Variants in MCC observed in about 807,000 individuals in gnomAD.
MCC encodes the protein MCC regulator of Wnt signaling pathway.
Under a neutral mutation model 116.2 loss-of-function variants are expected in MCC, and 90 were observed. That is an observed-to-expected ratio of 0.77 (90% confidence interval 0.65 to 0.92). The LOEUF (loss-of-function observed/expected upper bound fraction) is 0.92. Ranked by LOEUF, MCC falls within the 40% of genes least tolerant of loss-of-function variation. The pLI is 0.00. For synonymous variants in MCC, 578 were observed against 510.5 expected (o/e 1.13, Z -1.78); for missense variants, 1,516 against 1,312.2 (o/e 1.16, Z -2.40).
intron 1 of MCC, among the ~76,000 whole-genome samples, chr5:113,460,621 C>T (rs764217952): frequency 2.6e-5 from 4 of 152,190 alleles, no homozygotes; most frequent in Admixed American, 1.3e-4. Context: ...ACGCTGTGTG[C>T]CTTGTGCTCA....
chr5:113,480,627 G>A (rs1470354601), intron 1 of MCC, among the ~76,000 whole-genome samples: 2 of 152,200 alleles, frequency 1.3e-5, no homozygotes, highest in African/African-American at 2.4e-5. Flanking sequence ...AATACTTGCA[G>A]AAAGGGTGTA....
At chr5:113,422,922 C>G (rs1020682888) in intron 1 of MCC, among the ~76,000 whole-genome samples, 1 of 152,182 alleles carries the variant, frequency 6.6e-6, no homozygotes, top group Non-Finnish European at 1.5e-5. Context: ...AAGCACAAAA[C>G]TACAGGAGAT....
intron 1 of MCC, among the ~76,000 whole-genome samples, chr5:113,422,269 T>C (rs1405250452): frequency 1.5e-5 from 2 of 132,958 alleles, no homozygotes; most frequent in Admixed American, 7.8e-5. Flanking sequence ...CACACCATGA[T>C]ACAGTATTCC....
chr5:113,254,574 C>T (rs951152873), intron 3 of MCC, among the ~76,000 whole-genome samples: 3 of 152,150 alleles, frequency 2.0e-5, no homozygotes, highest in African/African-American at 4.8e-5. Flanking sequence ...ACAGCCCATA[C>T]GTAAAGCAAA....
chr5:113,074,750 T>G (rs187406034), intron 11 of MCC, among the ~76,000 whole-genome samples: 413 of 152,350 alleles, frequency 2.7e-3, no homozygotes, highest in Middle Eastern at 6.8e-3. Context: ...TGCAAAAGCT[T>G]CAGTAGCTGA....
chr5:113,042,065 CAA>C, intron 17 of MCC, among the ~76,000 whole-genome samples: 1 of 151,970 alleles, frequency 6.6e-6, no homozygotes, highest in Admixed American at 6.6e-5. Flanking sequence ...AACACACAAA[CAA>C]GAACCGCTGA....
At chr5:113,310,952 G>A (rs767448237) in intron 3 of MCC, among the ~76,000 whole-genome samples, 1 of 152,148 alleles carries the variant, frequency 6.6e-6, no homozygotes, top group Non-Finnish European at 1.5e-5. Context: ...GGGTACTAGA[G>A]ATATAATAGC....
chr5:113,272,753 A>T (rs1312483174), intron 3 of MCC, among the ~76,000 whole-genome samples: 2 of 152,236 alleles, frequency 1.3e-5, no homozygotes, highest in Non-Finnish European at 2.9e-5. Context: ...TATTCTTTTA[A>T]AAATGAATAT....
At chr5:113,116,322 C>T (rs778470698) in intron 6 of MCC, among the ~76,000 whole-genome samples, 1 of 152,240 alleles carries the variant, frequency 6.6e-6, no homozygotes, top group South Asian at 2.1e-4. Flanking sequence ...GCTGGGGATG[C>T]GGTAACAACA....
At chr5:113,427,048 C>T (rs759767867) in intron 1 of MCC, among the ~76,000 whole-genome samples, 1 of 152,218 alleles carries the variant, frequency 6.6e-6, no homozygotes, top group Admixed American at 6.5e-5. Flanking sequence ...TATATTTTTT[C>T]TATCCCTATG....
At chr5:113,140,009 A>G (rs886850918) in intron 5 of MCC, among the ~76,000 whole-genome samples, 7 of 152,200 alleles carry the variant, frequency 4.6e-5, no homozygotes, top group Non-Finnish European at 1.0e-4. Context: ...GGGAGAAAAT[A>G]TTTGCAAACT....
chr5:113,356,480 TA>T (rs1482357150), intron 2 of MCC, among the ~76,000 whole-genome samples: 1 of 151,764 alleles, frequency 6.6e-6, no homozygotes, highest in East Asian at 1.9e-4. Context: ...CCACAAATTC[TA>T]AATGTTTCTT....
intron 1 of MCC, chr5:113,436,025 A>C (rs1770847608): frequency 6.6e-6 from 1 of 152,440 alleles, no homozygotes. Flanking sequence ...TGACTGTCCT[A>C]GCCTTGGATT....
intron 6 of MCC, among the ~76,000 whole-genome samples, chr5:113,111,785 G>A (rs907689253): frequency 1.3e-5 from 2 of 152,168 alleles, no homozygotes; most frequent in Non-Finnish European, 2.9e-5. Flanking sequence ...TTGGAAATCT[G>A]GAAAGGAGGT....
rs1412834519 is a variant in MCC, at chr5:113,488,402, C to A, written c.13G>T (p.Ala5Ser). 1.4e-6 allele frequency: 2 copies of A among 1,397,060 alleles called. No homozygotes were observed. The highest frequency in any genetic ancestry group is 3.1e-5 in the East Asian group (1 of 32,776). 86.5% of individuals were successfully genotyped at this position (1,397,060 alleles called of 1,614,324 possible). A position where few individuals can be genotyped will look rare whatever the true frequency, so the allele number is the denominator to read the frequency against. Residue 5 changes from alanine to serine, a missense_variant, in exon 1 of 19, where the codon GCG becomes TCG. By Grantham distance (99) the Ala-to-Ser change is moderately conservative. Coordinates refer to ENST00000408903, the MANE Select transcript of MCC (RefSeq NM_001085377.2). ...GAGCTCCCCGCAGCCGCTGCCGCCG[C>A]GGCCGCCATCATGCGCCCGCTCCCT... is the stretch of plus-strand genomic sequence containing the variant. Reference protein sequence around the residue: MMAAAAAAAAGSSSS... With the variant: MMAASAAAAAGSSSS...
intron 7 of MCC, among the ~76,000 whole-genome samples, chr5:113,103,559 C>G (rs772604197): frequency 6.6e-6 from 1 of 152,232 alleles, no homozygotes; most frequent in African/African-American, 2.4e-5. Context: ...CCTTGTGACA[C>G]CACAGTTCTT....
intron 1 of MCC, among the ~76,000 whole-genome samples, chr5:113,411,487 T>G (rs1369738247): frequency 6.6e-6 from 1 of 152,166 alleles, no homozygotes; most frequent in Non-Finnish European, 1.5e-5. Context: ...GTGTAAGTTC[T>G]TTGTAGATTC....
chr5:113,363,032 C>A (rs1353653269), intron 2 of MCC, among the ~76,000 whole-genome samples: 1 of 152,084 alleles, frequency 6.6e-6, no homozygotes, highest in African/African-American at 2.4e-5. Context: ...GTAATCCCAG[C>A]ACTTTGGGAG....
In MCC at chr5:113,025,315, A is replaced by C. The variant is rs1750461143; in HGVS notation, c.*1987T>G. 1 of 152,036 alleles carries C rather than the reference A, an allele frequency of 6.6e-6. No individual in the cohort carries two copies. Among genetic ancestry groups the C allele is most frequent in the Non-Finnish European group, 1.5e-5 (1 of 68,020 alleles). 9.4% of individuals were successfully genotyped at this position (152,036 alleles called of 1,614,324 possible). A position where few individuals can be genotyped will look rare whatever the true frequency, so the allele number is the denominator to read the frequency against. ...CATGATAAAATGCAACTTTATATGA[A>C]AAGTGAAAAATTCTAAAAAATCACA... On this transcript the variant is annotated 3_prime_UTR_variant, in exon 19 of 19. Coordinates refer to ENST00000408903, the MANE Select transcript of MCC (RefSeq NM_001085377.2).
Sources: allele counts gnomAD v4.1 joint callset (sites outside exome capture counted in the v4.1 genomes callset), GRCh38; gene constraint gnomAD v4.1.1; transcripts MANE v1.5; gene names NCBI Gene and HGNC (gene_info 2026-07-23, HGNC 2026-07-21).